SEZ6: variants seen among roughly 807,000 people sequenced by gnomAD.
The protein encoded by SEZ6 is seizure protein 6 homolog.
SEZ6 carries 53 observed loss-of-function variants against 101.0 expected under a neutral mutation model. The ratio of observed to expected loss-of-function variants is 0.52; its 90% CI spans 0.42 to 0.66. The LOEUF (loss-of-function observed/expected upper bound fraction) is 0.66. Among genes scored for constraint, SEZ6 ranks in the 30% least tolerant of loss-of-function variants. SEZ6 has a pLI of 0.00. For synonymous variants in SEZ6, 488 were observed against 512.2 expected (o/e 0.95, Z 0.64); for missense variants, 1,102 against 1,289.4 (o/e 0.85, Z 2.23).
At chr17:28,987,083 G>T (rs1035100682) in intron 1 of SEZ6, among the ~76,000 whole-genome samples, 41 of 152,218 alleles carry the variant, frequency 2.7e-4, no homozygotes, top group Non-Finnish European at 5.0e-4. Flanking sequence ...GGGAGCCTGA[G>T]GGACAGGGCG....
intron 1 of SEZ6, among the ~76,000 whole-genome samples, chr17:28,991,247 G>A (rs1379055632): frequency 3.5e-5 from 5 of 142,062 alleles, no homozygotes; most frequent in East Asian, 4.3e-4. Context: ...CTCTGTCACC[G>A]AGGCTGGAGT....
In SEZ6 at chr17:29,005,933, C is replaced by A. The variant is rs1295317252; in HGVS notation, c.-64G>T. On this transcript the variant is annotated 5_prime_UTR_variant, in exon 1 of 17. Coordinates refer to ENST00000317338, the MANE Select transcript of SEZ6 (RefSeq NM_178860.5). This position sits in a 1 kb window ranked among gnomAD's most constrained non-coding sequence, Gnocchi z 4.8. Reference sequence around the variant, plus strand: ...CGGGAGGGCGGGGGGCTTGGTGGGGCTTGGGCGCGGGGGCAGAGCCGGGTC... The same window carrying A: ...CGGGAGGGCGGGGGGCTTGGTGGGGATTGGGCGCGGGGGCAGAGCCGGGTC... 1.1e-4 allele frequency: 142 copies of A among 1,311,868 alleles called. 3 individuals carry two copies. The South Asian group carries it at 2.2e-3, about 20-fold the overall frequency. 81.3% of individuals were successfully genotyped at this position (1,311,868 alleles called of 1,614,324 possible). A position where few individuals can be genotyped will look rare whatever the true frequency, so the allele number is the denominator to read the frequency against.
intron 3 of SEZ6, among the ~76,000 whole-genome samples, chr17:28,977,078 C>T (rs1207092810): frequency 1.3e-5 from 2 of 151,180 alleles, no homozygotes; most frequent in African/African-American, 4.9e-5. Flanking sequence ...AACAAATCCA[C>T]TCAACAAAAC....
chr17:28,958,276 C>T (rs200773602), intron 10 of SEZ6, 135 bp from the exon 11 acceptor site: 4 of 985,392 alleles, frequency 4.1e-6, no homozygotes, highest in East Asian at 2.6e-5. Context: ...GGGATCCATT[C>T]CTCCCTGCTC....
At chr17:28,971,386 A>G (rs1185143349) in intron 3 of SEZ6, among the ~76,000 whole-genome samples, 1 of 152,096 alleles carries the variant, frequency 6.6e-6, no homozygotes, top group Non-Finnish European at 1.5e-5. Flanking sequence ...TGAGGTCAGG[A>G]TTTCAAGACC....
At chr17:28,960,403 GAC>G (rs2040957580) in intron 7 of SEZ6, 100 bp downstream of exon 7, 1 of 1,453,870 alleles carries the variant, frequency 6.9e-7, no homozygotes, top group South Asian at 1.2e-5. Flanking sequence ...TGGAAGGAGT[GAC>G]AGCATGGAGG....
chr17:29,002,165 C>T lies in SEZ6; in HGVS notation c.55+3650G>A, dbSNP rs139946234. 3.8e-3 allele frequency among the ~76,000 whole-genome samples: 575 copies of T among 150,196 alleles called. 3 individuals are homozygous for T. The highest frequency in any genetic ancestry group is 0.014 in the African/African-American group (563 of 40,686). On this transcript the variant is annotated intron_variant, in intron 1 of 16. Coordinates refer to ENST00000317338, the MANE Select transcript of SEZ6 (RefSeq NM_178860.5). ...CATGACAGCTCTGCCCAGGTGGGGGCACAGCATTCCTGAGCTGATCCCAGC... is the reference window on the plus strand; with the variant it reads ...CATGACAGCTCTGCCCAGGTGGGGGTACAGCATTCCTGAGCTGATCCCAGC...
chr17:28,992,682 G>T (rs1297509715), intron 1 of SEZ6, among the ~76,000 whole-genome samples: 1 of 152,228 alleles, frequency 6.6e-6, no homozygotes, highest in Non-Finnish European at 1.5e-5. Context: ...GGTGGGTGGG[G>T]GAGGGAGAGA....
At chr17:28,991,660 C>G (rs1185615342) in intron 1 of SEZ6, among the ~76,000 whole-genome samples, 1 of 152,152 alleles carries the variant, frequency 6.6e-6, no homozygotes, top group African/African-American at 2.4e-5. Context: ...GGTGTCTGCT[C>G]CCCTCCTTTC....
intron 1 of SEZ6, among the ~76,000 whole-genome samples, chr17:29,004,006 G>A (rs1451000573): frequency 6.6e-6 from 1 of 152,128 alleles, no homozygotes; most frequent in Non-Finnish European, 1.5e-5. Flanking sequence ...CCTTCCTCCT[G>A]GATTCCCACA....
rs1232000839 is a variant in SEZ6 at position 28,957,969 on chromosome 17, C to T, written c.2280G>A (p.Glu760=). The T allele has an allele frequency of 6.2e-7, 1 of 1,613,762 alleles. No homozygotes were observed. Among genetic ancestry groups the T allele is most frequent in the East Asian group, 2.2e-5 (1 of 44,868 alleles). ...LMCQWDLTWS[E]DLPSCQRVTS... is the part of the protein sequence containing the mutation. ...CACCCCTCTGGCATGAGGGCAGGTC[C>T]TCACTCCAAGTTAGGTCCCACTGGC... The change falls in exon 11 of 17, where the codon GAG becomes GAA. Residue 760 remains glutamate (E), a synonymous_variant. Coordinates refer to ENST00000317338, the MANE Select transcript of SEZ6 (RefSeq NM_178860.5).
Position 29,005,717 on chromosome 17 carries a change from G to A in SEZ6, c.55+98C>T. On this transcript the variant is annotated intron_variant, in intron 1 of 16. Coordinates refer to ENST00000317338, the MANE Select transcript of SEZ6 (RefSeq NM_178860.5). The surrounding 1 kb of genome is among the most constrained non-coding windows in gnomAD (Gnocchi z 4.8). Reference sequence around the variant, plus strand: ...CCGGCGGGGCGCGGTGCTTGGACTGGGCAGCCAGATGCCCGAAGCTGGGCA... The same window carrying A: ...CCGGCGGGGCGCGGTGCTTGGACTGAGCAGCCAGATGCCCGAAGCTGGGCA... 4 of 1,294,054 alleles carry A rather than the reference G, an allele frequency of 3.1e-6. No individual in the cohort carries two copies. The highest frequency in any genetic ancestry group is 2.1e-6 in the Non-Finnish European group (2 of 970,492). 80.2% of individuals were successfully genotyped at this position (1,294,054 alleles called of 1,614,324 possible). A position where few individuals can be genotyped will look rare whatever the true frequency, so the allele number is the denominator to read the frequency against.
At chr17:28,960,474 G>C in intron 7 of SEZ6, 31 bp downstream of exon 7, 1 of 1,572,484 alleles carries the variant, frequency 6.4e-7, no homozygotes, top group Non-Finnish European at 8.6e-7. Flanking sequence ...CCGTGGACCC[G>C]CCACCCCCAG....
At chr17:28,972,723 C>G (rs2041170502) in intron 3 of SEZ6, among the ~76,000 whole-genome samples, 1 of 152,230 alleles carries the variant, frequency 6.6e-6, no homozygotes, top group Non-Finnish European at 1.5e-5. Context: ...GAAAACAAGA[C>G]TCACACACGT....
intron 4 of SEZ6, among the ~76,000 whole-genome samples, chr17:28,967,433 C>A (rs894716918): frequency 2.6e-5 from 4 of 152,192 alleles, no homozygotes; most frequent in Non-Finnish European, 5.9e-5. Flanking sequence ...ACCCCACCTG[C>A]TTCCTCATTT....
At position 28,955,494 on chromosome 17, in the gene SEZ6, T is replaced by C. The variant is rs1598174192; in HGVS notation, c.*468A>G. ...TGCCAGGACTACCCAGAGGTCACCG[T>C]TGAGAGGAGTTTTGGCCATTGGTGA... is the stretch of plus-strand genomic sequence containing the variant. On this transcript the variant is annotated 3_prime_UTR_variant, in exon 17 of 17. Transcript: ENST00000317338. The C allele has an allele frequency of 5.1e-6, 2 of 394,968 alleles. No homozygotes were observed. Among genetic ancestry groups the C allele is most frequent in the Admixed American group, 5.4e-5 (2 of 37,178 alleles). 24.5% of individuals were successfully genotyped at this position (394,968 alleles called of 1,614,324 possible). A position where few individuals can be genotyped will look rare whatever the true frequency, so the allele number is the denominator to read the frequency against.
At position 28,959,202 on chromosome 17, in the gene SEZ6, C is replaced by G; in HGVS notation, c.1930G>C (p.Asp644His). 6.2e-7 allele frequency: 1 copy of G among 1,613,278 alleles called. No individual in the cohort carries two copies. The highest frequency in any genetic ancestry group is 8.5e-7 in the Non-Finnish European group (1 of 1,179,524). The stretch of plus-strand genomic sequence containing the variant: ...TCCCCATCATAGAAGGTAAGCACAT[C>G]ACCAGGGCCTATGCGCAGCCTGTGA... ...DIRVLRIGPGDVLTFYDGDDL... is the reference protein window; with the variant it reads ...DIRVLRIGPGHVLTFYDGDDL... The change falls in exon 10 of 17, where the codon GAT becomes CAT. Residue 644 changes from aspartate (D) to histidine (H), a missense_variant. Transcript: ENST00000317338. The surrounding 1 kb of genome is among the most constrained non-coding windows in gnomAD (Gnocchi z 4.4).
At chr17:28,997,807 G>A (rs1402622591) in intron 1 of SEZ6, among the ~76,000 whole-genome samples, 1 of 152,164 alleles carries the variant, frequency 6.6e-6, no homozygotes, top group Non-Finnish European at 1.5e-5. Context: ...CTTGGGGTGT[G>A]ACACAACTTG....
At chr17:29,001,896 A>C (rs2041619675) in intron 1 of SEZ6, among the ~76,000 whole-genome samples, 1 of 152,130 alleles carries the variant, frequency 6.6e-6, no homozygotes, top group African/African-American at 2.4e-5. Flanking sequence ...ATGACTTGAC[A>C]AGAACTTTGA....
Sources: allele counts gnomAD v4.1 joint callset (sites outside exome capture counted in the v4.1 genomes callset), GRCh38; gene constraint gnomAD v4.1.1; non-coding constraint Gnocchi (gnomAD v3.1); transcripts MANE v1.5; gene names NCBI Gene and HGNC (gene_info 2026-07-23, HGNC 2026-07-21).